The following PAN3 variants were observed in gnomAD, a reference collection of about 807,000 sequenced individuals.
The protein encoded by PAN3 is poly(A) specific ribonuclease subunit PAN3, also known as PAN2-PAN3 deadenylation complex subunit PAN3.
A neutral mutation model predicts 96.2 loss-of-function variants in PAN3; 19 were observed. The ratio of observed to expected loss-of-function variants is 0.20; its 90% CI spans 0.14 to 0.29. The LOEUF is 0.29. Ranked by LOEUF, PAN3 falls within the 10% of genes least tolerant of loss-of-function variation. The pLI is 1.00. For synonymous variants in PAN3, 433 were observed against 406.6 expected (o/e 1.06, Z -0.78); for missense variants, 882 against 1,108.1 (o/e 0.80, Z 2.90).
intron 17 of PAN3, among the ~76,000 whole-genome samples, chr13:28,284,076 G>A (rs1172725473): frequency 6.6e-6 from 1 of 152,202 alleles, no homozygotes; most frequent in African/African-American, 2.4e-5. Context: ...GTCAGTAGGT[G>A]TGCCACTATA....
chr13:28,202,947 T>TTTTC (rs754014180), intron 5 of PAN3, among the ~76,000 whole-genome samples: 1 of 152,138 alleles, frequency 6.6e-6, no homozygotes, highest in Non-Finnish European at 1.5e-5. Flanking sequence ...TGTTTAATTT[T>TTTTC]TTTCTTTCTT....
At chr13:28,221,805 A>T (rs1881442221) in intron 6 of PAN3, among the ~76,000 whole-genome samples, 2 of 152,184 alleles carry the variant, frequency 1.3e-5, no homozygotes. Flanking sequence ...TGGTAGCCTT[A>T]AAGTTTTATT....
intron 1 of PAN3, among the ~76,000 whole-genome samples, chr13:28,170,986 A>C (rs1206778608): frequency 6.6e-6 from 1 of 151,838 alleles, no homozygotes; most frequent in Non-Finnish European, 1.5e-5. Flanking sequence ...AGCAGAGATG[A>C]GGTTTTTCCA....
chr13:28,254,724 G>A (rs1885002339), intron 6 of PAN3, among the ~76,000 whole-genome samples: 2 of 151,736 alleles, frequency 1.3e-5, no homozygotes, highest in Admixed American at 1.3e-4. Context: ...AAGGAGTTTG[G>A]GTTTTTTTAA....
chr13:28,168,862 CA>C (rs1206476835), intron 1 of PAN3, among the ~76,000 whole-genome samples: 1 of 151,102 alleles, frequency 6.6e-6, no homozygotes, highest in Non-Finnish European at 1.5e-5. Context: ...ATTAAAAATA[CA>C]AAAAATTACT....
At chr13:28,147,471 C>G (rs140687462) in intron 1 of PAN3, among the ~76,000 whole-genome samples, 5 of 152,262 alleles carry the variant, frequency 3.3e-5, no homozygotes, top group Admixed American at 3.3e-4. Flanking sequence ...TTTAATTCAC[C>G]TAACCCATCA....
In PAN3 at chr13:28,176,669, GA is replaced by G. The variant is rs768194769; in HGVS notation, c.619+114del. ...GAAAATTGTAAACGGGCATAAAGAAGAAAATAAAAATTATTATCTTCCCACT... is the reference window on the plus strand; with the variant it reads ...GAAAATTGTAAACGGGCATAAAGAAGAAATAAAAATTATTATCTTCCCACT... On this transcript the variant is annotated intron_variant, in intron 3 of 18. Coordinates refer to ENST00000380958, the MANE Select transcript of PAN3 (RefSeq NM_175854.8). 8.9e-4 allele frequency: 968 copies of G among 1,085,908 alleles called. 6 individuals carry two copies. Among genetic ancestry groups the G allele is most frequent in the Middle Eastern group, 4.3e-3 (21 of 4,934 alleles). The allele number at this position is 1,085,908 out of a possible 1,614,324, so 67.3% of individuals were successfully genotyped here. A position where few individuals can be genotyped will look rare whatever the true frequency, so the allele number is the denominator to read the frequency against.
chr13:28,176,431 G>A, intron 2 of PAN3, 62 bp from the exon 3 acceptor site: 4 of 1,440,074 alleles, frequency 2.8e-6, no homozygotes, highest in Non-Finnish European at 2.9e-6. Flanking sequence ...AGTCTTAATT[G>A]GTTGGATACT....
chr13:28,290,766 A>G (rs1280495301), intron 18 of PAN3, among the ~76,000 whole-genome samples: 1 of 152,092 alleles, frequency 6.6e-6, no homozygotes, highest in African/African-American at 2.4e-5. Flanking sequence ...CCCTTTATTT[A>G]TGTTAGGGGA....
intron 1 of PAN3, among the ~76,000 whole-genome samples, chr13:28,148,921 T>A (rs1871020427): frequency 2.0e-5 from 3 of 152,192 alleles, no homozygotes; most frequent in African/African-American, 4.8e-5. Context: ...TTTATAGTCT[T>A]GCTATTACAA....
chr13:28,181,882 T>C (rs751025365), intron 4 of PAN3, among the ~76,000 whole-genome samples: 39 of 152,234 alleles, frequency 2.6e-4, no homozygotes, highest in Non-Finnish European at 5.0e-4. Context: ...TGATTTTCTT[T>C]TATTTGTCAC....
At chr13:28,203,356 T>A (rs561559217) in intron 5 of PAN3, among the ~76,000 whole-genome samples, 1 of 152,320 alleles carries the variant, frequency 6.6e-6, no homozygotes, top group African/African-American at 2.4e-5. Context: ...CAGGCAGGCA[T>A]GCAGTGGTAT....
chr13:28,261,515 T>C, intron 9 of PAN3, 57 bp downstream of exon 9: 1 of 1,477,044 alleles, frequency 6.8e-7, no homozygotes, highest in Non-Finnish European at 9.4e-7. Flanking sequence ...TCTTACGTGG[T>C]AGTACATGTT....
chr13:28,172,227 G>A (rs1018311260), intron 1 of PAN3, among the ~76,000 whole-genome samples: 3 of 152,162 alleles, frequency 2.0e-5, no homozygotes, highest in Non-Finnish European at 2.9e-5. Flanking sequence ...AGGCCGAGGC[G>A]GGTGGATCAC....
chr13:28,142,481 A>ATGTGTGTGAG (rs146096003), intron 1 of PAN3, among the ~76,000 whole-genome samples: 1,687 of 143,226 alleles, frequency 0.012, 36 homozygotes, highest in African/African-American at 0.042. Context: ...TTGGTTAATT[A>ATGTGTGTGAG]TGTGTGTGAG....
chr13:28,240,911 C>T (rs1056908599), intron 6 of PAN3, among the ~76,000 whole-genome samples: 3 of 152,190 alleles, frequency 2.0e-5, no homozygotes, highest in Non-Finnish European at 4.4e-5. Flanking sequence ...TTAAAACATA[C>T]ATATGCCTAT....
At chr13:28,288,189 A>G in intron 18 of PAN3, 67 bp downstream of exon 18, 1 of 1,375,446 alleles carries the variant, frequency 7.3e-7, no homozygotes, top group African/African-American at 1.5e-5. Context: ...TGTATCTTCT[A>G]CAAATACTAG....
At chr13:28,151,297 C>T (rs1356575749) in intron 1 of PAN3, among the ~76,000 whole-genome samples, 6 of 152,116 alleles carry the variant, frequency 3.9e-5, no homozygotes, top group African/African-American at 1.4e-4. Flanking sequence ...GGGCAGATCA[C>T]CAGGTCAGGA....
At chr13:28,140,179 G>T (rs1235134961) in intron 1 of PAN3, among the ~76,000 whole-genome samples, 1 of 152,094 alleles carries the variant, frequency 6.6e-6, no homozygotes, top group Non-Finnish European at 1.5e-5. Context: ...CAAACTGCTG[G>T]CCTCAAGTGA....
Sources: allele counts gnomAD v4.1 joint callset (sites outside exome capture counted in the v4.1 genomes callset), GRCh38; gene constraint gnomAD v4.1.1; transcripts MANE v1.5; gene names NCBI Gene and HGNC (gene_info 2026-07-23, HGNC 2026-07-21).